MACROH2A1: variants seen among roughly 807,000 people sequenced by gnomAD.
MACROH2A1 encodes the protein core histone macro-H2A.1.
MACROH2A1 carries 2 observed loss-of-function variants against 31.6 expected under a neutral mutation model. The ratio of observed to expected loss-of-function variants is 0.06; its 90% confidence interval spans 0.03 to 0.20. The LOEUF is 0.20. Ranked by LOEUF, MACROH2A1 falls within the 10% of genes least tolerant of loss-of-function variation. The probability of loss-of-function intolerance (pLI) is 1.00; values close to 1 mark genes in which losing one functional copy is unlikely to be tolerated. For synonymous variants in MACROH2A1, 169 were observed against 189.6 expected (o/e 0.89, Z 0.89); for missense variants, 230 against 474.0 (o/e 0.49, Z 4.78).
rs562026789 is a variant in MACROH2A1 at position 135,365,205 on chromosome 5, G to A, written c.477+4201C>T. Among the ~76,000 whole-genome samples the A allele has an allele frequency of 8.5e-5, 13 of 152,206 alleles. No individual in the cohort carries two copies. The South Asian group carries it at 2.5e-3, about 29-fold the overall frequency. ...ATTTGGAATCTTTATCTTGAGTAAG[G>A]GTCCCCAGGCTTCCCTCACTGCCAA... is the stretch of plus-strand genomic sequence containing the variant. On this transcript the variant is annotated intron_variant, in intron 4 of 8. Coordinates refer to ENST00000511689, the MANE Select transcript of MACROH2A1 (RefSeq NM_138610.3).
rs115392727 is a variant in MACROH2A1 at position 135,335,230 on chromosome 5, T to G, written c.954-89A>C. Reference sequence around the variant, plus strand: ...CCTTACAGGCCACCTCCCTCTGTGCTGCAGCTTGCCTTGTGTTGGGTCGGT... The same window carrying G: ...CCTTACAGGCCACCTCCCTCTGTGCGGCAGCTTGCCTTGTGTTGGGTCGGT... On this transcript the variant is annotated intron_variant, in intron 8 of 8. Coordinates refer to ENST00000511689, the MANE Select transcript of MACROH2A1 (RefSeq NM_138610.3). 9.4e-3 allele frequency: 9,020 copies of G among 962,256 alleles called. 56 individuals carry two copies. Among genetic ancestry groups the G allele is most frequent in the Non-Finnish European group, 0.012 (7,263 of 614,284 alleles). 59.6% of individuals were successfully genotyped at this position (962,256 alleles called of 1,614,324 possible). A position where few individuals can be genotyped will look rare whatever the true frequency, so the allele number is the denominator to read the frequency against.
chr5:135,341,635 G>A (rs1211997113), intron 8 of MACROH2A1, among the ~76,000 whole-genome samples: 1 of 152,232 alleles, frequency 6.6e-6, no homozygotes, highest in Non-Finnish European at 1.5e-5. Context: ...TCAAGTGACA[G>A]GAAGCCCACT....
chr5:135,385,914 T>G (rs1766343538), intron 2 of MACROH2A1, among the ~76,000 whole-genome samples: 1 of 152,130 alleles, frequency 6.6e-6, no homozygotes, highest in African/African-American at 2.4e-5. Flanking sequence ...CCCTGATCAC[T>G]CCTGCACTCT....
In MACROH2A1 at chr5:135,370,031, C is replaced by T. The variant is rs1317669824; in HGVS notation, c.279+5G>A. ...ACATCAGTGGGAGATGGGAGAGGCC[C>T]ATACCTGATTCAGCTCTTCATCATT... On this transcript the variant is annotated splice_donor_5th_base_variant and intron_variant, in intron 3 of 8. Coordinates refer to ENST00000511689, the MANE Select transcript of MACROH2A1 (RefSeq NM_138610.3). 1 of 1,575,364 alleles carries T rather than the reference C, an allele frequency of 6.3e-7. No homozygotes were observed. The highest frequency in any genetic ancestry group is 8.7e-7 in the Non-Finnish European group (1 of 1,145,108).
intron 1 of MACROH2A1, among the ~76,000 whole-genome samples, chr5:135,393,374 A>C (rs1767521505): frequency 6.6e-6 from 1 of 152,232 alleles, no homozygotes; most frequent in Non-Finnish European, 1.5e-5. Flanking sequence ...CTGGCTATTT[A>C]CTCAGAAGAA....
chr5:135,350,432 CAT>C (rs1458403642), intron 6 of MACROH2A1, among the ~76,000 whole-genome samples: 1 of 152,094 alleles, frequency 6.6e-6, no homozygotes, highest in African/African-American at 2.4e-5. Context: ...TGTGCACAGG[CAT>C]ATGTGTCTGT....
intron 2 of MACROH2A1, among the ~76,000 whole-genome samples, chr5:135,371,566 G>A (rs1284312839): frequency 6.6e-6 from 1 of 152,186 alleles, no homozygotes; most frequent in Non-Finnish European, 1.5e-5. Flanking sequence ...AAGATGGTGG[G>A]AACTAGGAAG....
chr5:135,378,765 C>T (rs919407724), intron 2 of MACROH2A1, among the ~76,000 whole-genome samples: 1 of 152,164 alleles, frequency 6.6e-6, no homozygotes, highest in African/African-American at 2.4e-5. Flanking sequence ...TTAATCAGTG[C>T]CTAGCACACA....
chr5:135,393,630 T>C (rs1356394125), intron 1 of MACROH2A1, among the ~76,000 whole-genome samples: 3 of 152,256 alleles, frequency 2.0e-5, no homozygotes, highest in Non-Finnish European at 4.4e-5. Flanking sequence ...TTGACAAAGA[T>C]GTGTTCTTCC....
Sources: allele counts gnomAD v4.1 joint callset (sites outside exome capture counted in the v4.1 genomes callset), GRCh38; gene constraint gnomAD v4.1.1; transcripts MANE v1.5; gene names NCBI Gene and HGNC (gene_info 2026-07-23, HGNC 2026-07-21).